The following MYO3A variants were observed in gnomAD, a reference collection of about 807,000 sequenced individuals.
MYO3A encodes the protein myosin IIIA.
Under a neutral mutation model 192.7 loss-of-function variants are expected in MYO3A, and 180 were observed. The ratio of observed to expected loss-of-function variants is 0.93; its 90% CI spans 0.83 to 1.06. The LOEUF (loss-of-function observed/expected upper bound fraction) is 1.06. Ranked by LOEUF, MYO3A falls within the 50% of genes least tolerant of loss-of-function variation. The pLI is 0.00. For synonymous variants in MYO3A, 628 were observed against 645.3 expected (o/e 0.97, Z 0.41); for missense variants, 1,896 against 1,905.0 (o/e 1.00, Z 0.09).
Position 26,068,751 on chromosome 10 carries a change from A to G in MYO3A, c.1054-17A>G, listed in dbSNP as rs1253968692. Reference sequence around the variant, plus strand: ...AAATAATTTTTAAGAAGGAGAAATTATTTTATTTTATTGCAGAATACAGTC... The same window carrying G: ...AAATAATTTTTAAGAAGGAGAAATTGTTTTATTTTATTGCAGAATACAGTC... On this transcript the variant is annotated splice_polypyrimidine_tract_variant and intron_variant, in intron 11 of 34. Transcript: ENST00000642920. 5 of 1,468,352 alleles carry G rather than the reference A, an allele frequency of 3.4e-6. No individual in the cohort carries two copies. In the African/African-American group the frequency reaches 4.2e-5, roughly 12 times the overall value. The allele number at this position is 1,468,352 out of a possible 1,614,324, so 91.0% of individuals were successfully genotyped here. A position where few individuals can be genotyped will look rare whatever the true frequency, so the allele number is the denominator to read the frequency against.
chr10:26,196,320 G>A (rs1306317899), intron 32 of MYO3A, among the ~76,000 whole-genome samples: 3 of 152,214 alleles, frequency 2.0e-5, no homozygotes, highest in African/African-American at 7.2e-5. Flanking sequence ...TAAAAGACCT[G>A]AACTGAAGTG....
At chr10:25,978,474 A>C (rs1257808844) in intron 4 of MYO3A, among the ~76,000 whole-genome samples, 2 of 152,160 alleles carry the variant, frequency 1.3e-5, no homozygotes, top group African/African-American at 4.8e-5. Flanking sequence ...AGACTTCTTC[A>C]TTATCAGGAG....
At chr10:25,985,162 G>A (rs544922921) in intron 4 of MYO3A, among the ~76,000 whole-genome samples, 9 of 150,954 alleles carry the variant, frequency 6.0e-5, no homozygotes, top group South Asian at 4.2e-4. Context: ...TACTTGAACC[G>A]CGGAGGCAGA....
chr10:26,068,658 C>T (rs1835004998), intron 11 of MYO3A, 110 bp from the exon 12 acceptor site: 1 of 694,538 alleles, frequency 1.4e-6, no homozygotes, highest in Non-Finnish European at 2.5e-6. Context: ...GTCTGTTTTT[C>T]TAATCCTTCG....
At chr10:25,999,388 C>A (rs1234063549) in intron 6 of MYO3A, among the ~76,000 whole-genome samples, 1 of 152,072 alleles carries the variant, frequency 6.6e-6, no homozygotes, top group Non-Finnish European at 1.5e-5. Context: ...TATAATATTT[C>A]TATTCTCCAC....
intron 2 of MYO3A, among the ~76,000 whole-genome samples, chr10:25,936,234 A>AT (rs372064073): frequency 0.012 from 1,861 of 149,376 alleles, 16 homozygotes; most frequent in Non-Finnish European, 0.02. Context: ...TTATAGCCTA[A>AT]TTTTTTTTTT....
At chr10:26,094,565 C>A (rs949938000) in intron 15 of MYO3A, among the ~76,000 whole-genome samples, 2 of 151,854 alleles carry the variant, frequency 1.3e-5, no homozygotes, top group Non-Finnish European at 2.9e-5. Flanking sequence ...GCTGGGACTA[C>A]AGGTGCCTGC....
At chr10:26,019,962 A>G (rs1203432290) in intron 7 of MYO3A, among the ~76,000 whole-genome samples, 1 of 152,256 alleles carries the variant, frequency 6.6e-6, no homozygotes, top group East Asian at 1.9e-4. Flanking sequence ...TATTAAAAAT[A>G]CTTTCATAGA....
At chr10:26,096,513 C>T (rs1461704982) in intron 16 of MYO3A, 34 bp downstream of exon 16, 23 of 1,601,818 alleles carry the variant, frequency 1.4e-5, no homozygotes, top group South Asian at 3.3e-5. Context: ...ATCAATAATA[C>T]TTTCACTTTT....
chr10:25,941,334 A>G (rs1055215922), intron 2 of MYO3A, among the ~76,000 whole-genome samples: 1 of 152,220 alleles, frequency 6.6e-6, no homozygotes, highest in Non-Finnish European at 1.5e-5. Context: ...AAGCAAAGAA[A>G]GCAGAGGAAA....
At chr10:25,948,848 A>G (rs1471609164) in intron 2 of MYO3A, among the ~76,000 whole-genome samples, 5 of 152,106 alleles carry the variant, frequency 3.3e-5, no homozygotes, top group East Asian at 1.9e-4. Context: ...TTTATATGGA[A>G]CATGACTAGG....
At chr10:25,992,969 C>CT (rs946681643) in intron 4 of MYO3A, among the ~76,000 whole-genome samples, 2 of 152,172 alleles carry the variant, frequency 1.3e-5, no homozygotes, top group South Asian at 2.1e-4. Flanking sequence ...CTAAAATTCT[C>CT]TTTTTTTGTT....
At chr10:25,991,570 A>G (rs1044581789) in intron 4 of MYO3A, among the ~76,000 whole-genome samples, 2 of 152,088 alleles carry the variant, frequency 1.3e-5, no homozygotes, top group African/African-American at 4.8e-5. Flanking sequence ...TTGGTGTTTT[A>G]GACATGAAGT....
intron 6 of MYO3A, among the ~76,000 whole-genome samples, chr10:26,004,239 G>T (rs924592834): frequency 3.3e-5 from 5 of 152,042 alleles, no homozygotes; most frequent in African/African-American, 1.2e-4. Flanking sequence ...TCCTGTAGAT[G>T]AGAAAGGTAT....
Position 26,085,662 on chromosome 10 carries a change from G to T in MYO3A, c.1360-2541G>T, listed in dbSNP as rs376573630. Among the ~76,000 whole-genome samples the T allele has an allele frequency of 1.1e-4, 16 of 152,292 alleles. No homozygotes were observed. The East Asian group carries it at 3.1e-3, about 29-fold the overall frequency. ...TGGCAGCAACTACTTCAGTGTTCAG[G>T]AGGCCTGCGGCCCTCTGAGAGCAGA... On this transcript the variant is annotated intron_variant, in intron 14 of 34. Coordinates refer to ENST00000642920, the MANE Select transcript of MYO3A (RefSeq NM_017433.5).
intron 29 of MYO3A, among the ~76,000 whole-genome samples, 188 bp from the exon 30 acceptor site, chr10:26,173,475 A>G (rs1366477078): frequency 6.6e-6 from 1 of 152,222 alleles, no homozygotes; most frequent in Admixed American, 6.5e-5. Context: ...TTGAGTAGTT[A>G]TCACAGTTGT....
At chr10:26,097,859 G>A (rs1837150940) in intron 17 of MYO3A, among the ~76,000 whole-genome samples, 1 of 152,118 alleles carries the variant, frequency 6.6e-6, no homozygotes, top group Non-Finnish European at 1.5e-5. Flanking sequence ...GTGTGCATGT[G>A]TCTTTTTTGC....
At chr10:26,143,102 G>A (rs1030179416) in intron 20 of MYO3A, among the ~76,000 whole-genome samples, 3 of 152,048 alleles carry the variant, frequency 2.0e-5, no homozygotes, top group Admixed American at 6.5e-5. Context: ...AGGTTGAGGC[G>A]GGAGGATCAC....
chr10:26,157,619 G>A, intron 26 of MYO3A, 104 bp downstream of exon 26: 1 of 1,245,500 alleles, frequency 8.0e-7, no homozygotes, highest in Non-Finnish European at 1.1e-6. Context: ...GGTCTAGGAG[G>A]GAGGCATTTT....
Sources: gnomAD v4.1 joint callset for allele counts (sites outside exome capture counted in the v4.1 genomes callset) on GRCh38, gnomAD v4.1.1 for gene constraint, MANE v1.5 for transcripts, NCBI Gene and HGNC (gene_info 2026-07-23, HGNC 2026-07-21) for gene names.